HIPK2: variants seen among roughly 807,000 people sequenced by gnomAD.
HIPK2 encodes the protein homeodomain-interacting protein kinase 2.
Under a neutral mutation model 113.7 loss-of-function variants are expected in HIPK2, and 27 were observed. That is an observed-to-expected ratio of 0.24 (90% CI 0.17 to 0.33). The LOEUF is 0.33. HIPK2 is among the 10% of genes least tolerant of loss of function. The probability of loss-of-function intolerance (pLI) is 1.00; values close to 1 mark genes in which losing one functional copy is unlikely to be tolerated. For missense variants in HIPK2, 1,257 were observed against 1,588.0 expected, an observed-to-expected ratio of 0.79 and a Z score of 3.54; for synonymous variants, 631 against 642.2, an observed-to-expected ratio of 0.98 and a Z score of 0.26.
At chr7:139,581,598 G>C (rs1441201537) in intron 13 of HIPK2, among the ~76,000 whole-genome samples, 1 of 152,224 alleles carries the variant, frequency 6.6e-6, no homozygotes, top group Non-Finnish European at 1.5e-5. Flanking sequence ...AAGAGGGCTG[G>C]GGGAGCGCTG....
chr7:139,721,393 C>T (rs981071446), intron 1 of HIPK2, among the ~76,000 whole-genome samples: 3 of 152,218 alleles, frequency 2.0e-5, no homozygotes, highest in Admixed American at 2.0e-4. Context: ...TTCTCTGGAA[C>T]AAACCTTCCC....
At chr7:139,671,923 T>G (rs1696389159) in intron 2 of HIPK2, among the ~76,000 whole-genome samples, 1 of 152,232 alleles carries the variant, frequency 6.6e-6, no homozygotes, top group Non-Finnish European at 1.5e-5. Flanking sequence ...GCCTTGAATG[T>G]GATAGTTCAG....
intron 2 of HIPK2, among the ~76,000 whole-genome samples, chr7:139,697,863 ATTTTTTT>A (rs1206821973): frequency 5.2e-5 from 7 of 135,316 alleles, no homozygotes; most frequent in African/African-American, 1.9e-4. Context: ...TCTTAATGGA[ATTTTTTT>A]TTTTTTTTTT....
At chr7:139,620,230 C>T (rs927057582) in intron 7 of HIPK2, 171 bp downstream of exon 7, 10 of 504,942 alleles carry the variant, frequency 2.0e-5, no homozygotes, top group Non-Finnish European at 2.3e-5. Flanking sequence ...GAAGTCAACA[C>T]AAAATGTGCC....
intron 2 of HIPK2, among the ~76,000 whole-genome samples, chr7:139,656,813 C>T (rs1334842881): frequency 2.0e-5 from 3 of 152,150 alleles, no homozygotes; most frequent in East Asian, 3.8e-4. Context: ...TCTTCATCTG[C>T]GATGCTCTCT....
intron 9 of HIPK2, among the ~76,000 whole-genome samples, chr7:139,610,663 A>G (rs1307739536): frequency 6.6e-6 from 1 of 152,262 alleles, no homozygotes; most frequent in African/African-American, 2.4e-5. Flanking sequence ...AGAATACTTC[A>G]TATCGATCTT....
At chr7:139,697,342 T>C (rs1371928905) in intron 2 of HIPK2, among the ~76,000 whole-genome samples, 1 of 152,118 alleles carries the variant, frequency 6.6e-6, no homozygotes, top group Non-Finnish European at 1.5e-5. Flanking sequence ...AACAAAATAT[T>C]TACCTTACTG....
At chr7:139,689,757 G>A (rs975146189) in intron 2 of HIPK2, among the ~76,000 whole-genome samples, 7 of 152,274 alleles carry the variant, frequency 4.6e-5, no homozygotes, top group East Asian at 1.9e-4. Context: ...TATGGCTTGC[G>A]CTTTGCTTGA....
Position 139,563,497 on chromosome 7 carries a change from G to A in HIPK2, c.*9430C>T, listed in dbSNP as rs963678474. On this transcript the variant is annotated 3_prime_UTR_variant, in exon 15 of 15. Transcript: ENST00000406875. ...TGGAGATTGGTTACAAGGAAGCGAG[G>A]GAGAGCAGAGGCAGAGCCCTTTTTC... 1 of 184,934 alleles carries A rather than the reference G, an allele frequency of 5.4e-6. No homozygotes were observed. Among genetic ancestry groups the A allele is most frequent in the African/African-American group, 2.3e-5 (1 of 42,904 alleles). The allele number at this position is 184,934 out of a possible 1,614,324, so 11.5% of individuals were successfully genotyped here. A position where few individuals can be genotyped will look rare whatever the true frequency, so the allele number is the denominator to read the frequency against.
intron 6 of HIPK2, among the ~76,000 whole-genome samples, chr7:139,625,408 C>G (rs1183006979): frequency 1.3e-5 from 2 of 152,210 alleles, no homozygotes; most frequent in Non-Finnish European, 2.9e-5. Context: ...CAGATCTTTG[C>G]TCAACACAGA....
rs1585365090 is a variant in HIPK2, at chr7:139,675,623, C to G, written c.1103+40309G>C. 4.6e-5 allele frequency among the ~76,000 whole-genome samples: 7 copies of G among 152,240 alleles called. 1 individual carries two copies. The South Asian group carries it at 1.5e-3, about 32-fold the overall frequency. On this transcript the variant is annotated intron_variant, in intron 2 of 14. Coordinates refer to ENST00000406875, the MANE Select transcript of HIPK2 (RefSeq NM_022740.5). Reference sequence around the variant, plus strand: ...AGAAAAAATAATCTGAAAACAGTTACAAAGTTGATGTCAGCAAGAACCAGA... The same window carrying G: ...AGAAAAAATAATCTGAAAACAGTTAGAAAGTTGATGTCAGCAAGAACCAGA...
rs191959717 is a variant in HIPK2, at chr7:139,614,508, G to A, written c.1783-15C>T. On this transcript the variant is annotated splice_polypyrimidine_tract_variant and intron_variant, in intron 7 of 14. Transcript: ENST00000406875. ...GAGGAGGGAGCCTAAAGGAGTGATG[G>A]GGATTAAACAAAAATAAACAAAAAT... is the stretch of plus-strand genomic sequence containing the variant. 3.0e-6 allele frequency: 4 copies of A among 1,342,116 alleles called. No individual in the cohort carries two copies. The highest frequency in any genetic ancestry group is 3.9e-6 in the Non-Finnish European group (4 of 1,032,664). 83.1% of individuals were successfully genotyped at this position (1,342,116 alleles called of 1,614,324 possible). A position where few individuals can be genotyped will look rare whatever the true frequency, so the allele number is the denominator to read the frequency against.
intron 1 of HIPK2, among the ~76,000 whole-genome samples, chr7:139,749,438 A>G (rs1272904213): frequency 6.6e-6 from 1 of 152,278 alleles, no homozygotes; most frequent in Non-Finnish European, 1.5e-5. Context: ...TAGCTTTGAC[A>G]CTTAATAGAT....
chr7:139,584,240 C>A, intron 12 of HIPK2, 176 bp from the exon 13 acceptor site: 2 of 328,644 alleles, frequency 6.1e-6, no homozygotes, highest in Non-Finnish European at 8.7e-6. Flanking sequence ...CCTGTGTAGC[C>A]GGCAGCAGGG....
chr7:139,636,964 A>C (rs897852790), intron 2 of HIPK2, among the ~76,000 whole-genome samples: 2 of 152,160 alleles, frequency 1.3e-5, no homozygotes, highest in Non-Finnish European at 2.9e-5. Context: ...CTCTCTAAAC[A>C]TATTCCTTCC....
rs771852086 is a variant in HIPK2, at chr7:139,614,502, G to A, written c.1783-9C>T. On this transcript the variant is annotated splice_polypyrimidine_tract_variant and intron_variant, in intron 7 of 14. Transcript: ENST00000406875. ...CTGGTAGAGGAGGGAGCCTAAAGGA[G>A]TGATGGGGATTAAACAAAAATAAAC... 3 of 1,368,432 alleles carry A rather than the reference G, an allele frequency of 2.2e-6. No homozygotes were observed. In the African/African-American group the frequency reaches 4.5e-5, roughly 20 times the overall value. The allele number at this position is 1,368,432 out of a possible 1,614,324, so 84.8% of individuals were successfully genotyped here. A position where few individuals can be genotyped will look rare whatever the true frequency, so the allele number is the denominator to read the frequency against.
intron 1 of HIPK2, among the ~76,000 whole-genome samples, chr7:139,747,365 C>G (rs939213468): frequency 6.6e-6 from 1 of 152,200 alleles, no homozygotes; most frequent in Non-Finnish European, 1.5e-5. Flanking sequence ...TGGACGTTCC[C>G]ACCTTCCTAG....
intron 7 of HIPK2, among the ~76,000 whole-genome samples, chr7:139,618,579 C>A (rs6467864): frequency 0.18 from 26,674 of 152,046 alleles, 3,297 homozygotes; most frequent in African/African-American, 0.36. Flanking sequence ...GATGAGCAAC[C>A]CTTTTAGTTT....
At chr7:139,709,573 A>G (rs918900453) in intron 2 of HIPK2, among the ~76,000 whole-genome samples, 8 of 152,222 alleles carry the variant, frequency 5.3e-5, no homozygotes, top group Non-Finnish European at 1.0e-4. Context: ...AACCCACAGG[A>G]GAGAAAACTG....
Sources: gnomAD v4.1 joint callset for allele counts (sites outside exome capture counted in the v4.1 genomes callset) on GRCh38, gnomAD v4.1.1 for gene constraint, MANE v1.5 for transcripts, NCBI Gene and HGNC (gene_info 2026-07-23, HGNC 2026-07-21) for gene names.